The following ARVCF variants were observed in gnomAD, a reference collection of about 807,000 sequenced individuals.
The protein encoded by ARVCF is ARVCF delta catenin family member.
A neutral mutation model predicts 90.9 loss-of-function variants in ARVCF; 66 were observed. The observed-to-expected ratio is 0.73, with a 90% CI of 0.60 to 0.89. The LOEUF is 0.89. Ranked by LOEUF, ARVCF falls within the 40% of genes least tolerant of loss-of-function variation. The probability of loss-of-function intolerance (pLI) is 0.00; values close to 1 mark genes in which losing one functional copy is unlikely to be tolerated. For missense variants in ARVCF, 1,469 were observed against 1,382.3 expected (o/e 1.06, Z -1.00); for synonymous variants, 653 against 603.4 (o/e 1.08, Z -1.21).
chr22:20,011,541 G>A (rs1176880039), intron 1 of ARVCF, among the ~76,000 whole-genome samples: 2 of 151,966 alleles, frequency 1.3e-5, no homozygotes, highest in Admixed American at 6.5e-5. Context: ...GAGGGTGGGC[G>A]ACTGGCTACG....
intron 1 of ARVCF, among the ~76,000 whole-genome samples, chr22:20,012,139 G>A (rs1944860942): frequency 1.6e-5 from 2 of 128,024 alleles, no homozygotes; most frequent in Admixed American, 9.7e-5. Flanking sequence ...CCTTCCTCAT[G>A]GGCCTCCTAC....
chr22:19,974,854 C>T (rs751610992), intron 11 of ARVCF, among the ~76,000 whole-genome samples: 2 of 152,106 alleles, frequency 1.3e-5, no homozygotes, highest in Non-Finnish European at 2.9e-5. Flanking sequence ...AGTTCCCGGG[C>T]AACTGAGGCG....
At chr22:19,968,314 A>C (rs1942534862), downstream of ARVCF, among the ~76,000 whole-genome samples, 1 of 152,186 alleles carries the variant, frequency 6.6e-6, no homozygotes. Context: ...TTGATGAGAG[A>C]AAGGTCCCTG....
In ARVCF at chr22:19,973,246, G is replaced by T. The variant is rs1942943561; in HGVS notation, c.2311C>A (p.Leu771Met). 1.2e-6 allele frequency: 2 copies of T among 1,610,542 alleles called. No individual in the cohort carries two copies. Among genetic ancestry groups the T allele is most frequent in the Non-Finnish European group, 8.5e-7 (1 of 1,179,248 alleles). ...ACCGCCACCACGGTGTCTTCCTCCA[G>T]GCAGGCCCCCGGTCGCGGCGGAGCC... ...AQAPPRPGAC[L>M]EEDTVVAVLN... Residue 771 changes from leucine to methionine, a missense_variant, in exon 14 of 20, where the codon CTG (leucine) becomes ATG (methionine). Transcript: ENST00000263207.
At position 19,996,612 on chromosome 22, in the gene ARVCF, C is replaced by CCACTCAGCA. The variant is rs549315327; in HGVS notation, c.-18-5801_-18-5800insTGCTGAGTG. Among the ~76,000 whole-genome samples the CCACTCAGCA allele has an allele frequency of 1.1e-3, 172 of 152,346 alleles. 1 individual carries two copies. The highest frequency in any genetic ancestry group is 2.6e-3 in the Admixed American group (40 of 15,302). ...TACAACAACAAAGTGGCATCCTCAG[C>CCACTCAGCA]CCATTAGGTGCTCTCATAGGCTGCT... is the stretch of plus-strand genomic sequence containing the variant. On this transcript the variant is annotated intron_variant, in intron 2 of 19. Transcript: ENST00000263207.
Position 19,971,249 on chromosome 22 carries a change from C to G in ARVCF, c.2868G>C (p.Gln956His). The change falls in exon 19 of 20, where the codon CAG becomes CAC. Residue 956 changes from glutamine to histidine, a missense_variant. Coordinates refer to ENST00000263207, the MANE Select transcript of ARVCF (RefSeq NM_001670.3). ...LVDAVGDAKP[Q>H]PVDSWV ...CAAGCTAGACCCAGGAATCAACGGG[C>G]TGAGGCTTAGCGTCCCCTACGGCGT... 6.4e-7 allele frequency: 1 copy of G among 1,555,604 alleles called. No homozygotes were observed. The highest frequency in any genetic ancestry group is 1.2e-5 in the South Asian group (1 of 84,420).
chr22:19,987,398 C>G (rs1474134314), intron 3 of ARVCF, among the ~76,000 whole-genome samples: 1 of 149,668 alleles, frequency 6.7e-6, no homozygotes, highest in Non-Finnish European at 1.5e-5. Context: ...CCACCTCCCC[C>G]CACCCACTGC....
rs531297219 is a variant in ARVCF at position 19,973,405 on chromosome 22, C to A, written c.2240-88G>T. On this transcript the variant is annotated intron_variant, in intron 13 of 19. Coordinates refer to ENST00000263207, the MANE Select transcript of ARVCF (RefSeq NM_001670.3). ...ATCCCGCGAGGGCGAGGGGCACTGC[C>A]AGGAGAGCCCCTGGAGACCGCCTGT... 262 of 1,450,426 alleles carry A rather than the reference C, an allele frequency of 1.8e-4. 1 individual carries two copies. The highest frequency in any genetic ancestry group is 2.3e-4 in the Non-Finnish European group (253 of 1,090,058). 89.8% of individuals were successfully genotyped at this position (1,450,426 alleles called of 1,614,324 possible).
chr22:19,978,074 T>A lies in ARVCF; in HGVS notation c.1582A>T (p.Asn528Tyr). ...VFKNTSGCLR[N>Y]VSSDGAEARR... ...GCCTCAGCACCATCGGAGCTCACAT[T>A]CCTGTGTGGCCAAGAGCAGGCCAGG... The change falls in exon 8 of 20, where the codon AAT becomes TAT. Residue 528 changes from asparagine (N) to tyrosine (Y), a missense_variant and splice_region_variant. Transcript: ENST00000263207. The A allele has an allele frequency of 6.2e-7, 1 of 1,604,058 alleles. No individual in the cohort carries two copies. The highest frequency in any genetic ancestry group is 1.7e-4 in the Middle Eastern group (1 of 6,018).
intron 8 of ARVCF, 25 bp from the exon 9 acceptor site, chr22:19,977,611 G>C: frequency 6.6e-7 from 1 of 1,504,562 alleles, no homozygotes; most frequent in East Asian, 2.4e-5. Flanking sequence ...GAGTGGGTGG[G>C]GCAGGGCACC....
Position 19,973,785 on chromosome 22 carries a change from C to T in ARVCF, c.2097G>A (p.Thr699=), listed in dbSNP as rs778287899. ...NLSAGNWMWA[T]YIRATVRKER... ...CTTTGCGCACTGTGGCGCGGATGTACGTGGCCCACTGCGGAGGCGGGGAGA... is the reference window on the plus strand; with the variant it reads ...CTTTGCGCACTGTGGCGCGGATGTATGTGGCCCACTGCGGAGGCGGGGAGA... Residue 699 remains threonine, a synonymous_variant, in exon 13 of 20, where the codon ACG becomes ACA. Coordinates refer to ENST00000263207, the MANE Select transcript of ARVCF (RefSeq NM_001670.3). 1.2e-6 allele frequency: 2 copies of T among 1,605,154 alleles called. No homozygotes were observed. The highest frequency in any genetic ancestry group is 2.2e-5 in the East Asian group (1 of 44,844).
intron 11 of ARVCF, 98 bp from the exon 12 acceptor site, chr22:19,974,337 G>A: frequency 7.0e-7 from 1 of 1,424,870 alleles, no homozygotes; most frequent in South Asian, 1.4e-5. Flanking sequence ...GGGCGTGGGT[G>A]AGCTGGGGCC....
In ARVCF at chr22:19,974,122, C is replaced by G; in HGVS notation, c.2078G>C (p.Gly693Ala). The change falls in exon 12 of 20, where the codon GGC (glycine) becomes GCC (alanine). Residue 693 changes from glycine (G) to alanine (A), a missense_variant. Physicochemically the swap from Gly to Ala is moderately conservative, Grantham distance 60 (BLOSUM62 0). Transcript: ENST00000263207. ...GACCTGGTCCCTCACCATCCAGTTG[C>G]CGGCACTGAGGTTCTGCAGAGCGCC... ...AAGALQNLSA[G>A]NWMWATYIRA... 6.2e-7 allele frequency: 1 copy of G among 1,610,510 alleles called. No homozygotes were observed. The highest frequency in any genetic ancestry group is 1.1e-5 in the South Asian group (1 of 90,934).
intron 6 of ARVCF, 134 bp downstream of exon 6, chr22:19,979,609 C>A: frequency 7.5e-7 from 1 of 1,326,178 alleles, no homozygotes; most frequent in Non-Finnish European, 1.0e-6. Flanking sequence ...CTGGGGCAAG[C>A]GTCTCAGCAG....
At chr22:19,991,803 C>A (rs1335890041) in intron 2 of ARVCF, among the ~76,000 whole-genome samples, 2 of 152,274 alleles carry the variant, frequency 1.3e-5, no homozygotes, top group Non-Finnish European at 2.9e-5. Context: ...AATCCAGGCT[C>A]ACCACAGTGG....
chr22:19,968,444 C>A, downstream of ARVCF: 1 of 1,255,710 alleles, frequency 8.0e-7, no homozygotes, highest in Non-Finnish European at 1.1e-6. Flanking sequence ...GGCGTGGTGC[C>A]GTGGCCTAGT....
intron 17 of ARVCF, 148 bp from the exon 18 acceptor site, chr22:19,972,119 G>A (rs573444040): frequency 2.2e-6 from 2 of 914,602 alleles, no homozygotes; most frequent in South Asian, 1.7e-5. Flanking sequence ...GATCCAGGCT[G>A]GTGCCAGCTC....
intron 2 of ARVCF, among the ~76,000 whole-genome samples, chr22:19,998,765 G>A (rs185618305): frequency 6.6e-6 from 1 of 152,328 alleles, no homozygotes; most frequent in Non-Finnish European, 1.5e-5. Context: ...GAAGTCCTCC[G>A]TGGGAGGGCA....
intron 2 of ARVCF, among the ~76,000 whole-genome samples, chr22:19,993,457 GGGCACC>G (rs1387790302): frequency 3.9e-5 from 6 of 152,262 alleles, no homozygotes; most frequent in Non-Finnish European, 1.5e-5. Flanking sequence ...TGGGCAGAGT[GGGCACC>G]GGATTTGCTT....
Sources: gnomAD v4.1 joint callset for allele counts (sites outside exome capture counted in the v4.1 genomes callset) on GRCh38, gnomAD v4.1.1 for gene constraint, MANE v1.5 for transcripts, NCBI Gene and HGNC (gene_info 2026-07-23, HGNC 2026-07-21) for gene names.